Variants in NGLY1 observed in about 807,000 individuals in gnomAD.
NGLY1 encodes peptide-N(4)-(N-acetyl-beta-glucosaminyl)asparagine amidase.
NGLY1 carries 68 observed loss-of-function variants against 84.6 expected under a neutral mutation model. That is an observed-to-expected ratio of 0.80 (90% CI 0.66 to 0.98). The LOEUF (loss-of-function observed/expected upper bound fraction) is 0.98. Among genes scored for constraint, NGLY1 ranks in the 50% least tolerant of loss-of-function variants. NGLY1 has a pLI of 0.00. For missense variants in NGLY1, 779 were observed against 770.2 expected, an observed-to-expected ratio of 1.01 and a Z score of -0.14; for synonymous variants, 280 against 275.2, an observed-to-expected ratio of 1.02 and a Z score of -0.17.
intron 9 of NGLY1, among the ~76,000 whole-genome samples, chr3:25,730,897 C>A (rs1041540627): frequency 1.3e-5 from 2 of 151,918 alleles, no homozygotes; most frequent in Non-Finnish European, 2.9e-5. Context: ...TTGCATATTT[C>A]CTAAACATTT....
chr3:25,756,068 G>A (rs1707019079), intron 3 of NGLY1, among the ~76,000 whole-genome samples: 1 of 152,074 alleles, frequency 6.6e-6, no homozygotes. Flanking sequence ...AGCCACTTTT[G>A]TTGTCACTAG....
chr3:25,771,562 T>A (rs1056550498), intron 2 of NGLY1, among the ~76,000 whole-genome samples: 1 of 152,190 alleles, frequency 6.6e-6, no homozygotes, highest in Non-Finnish European at 1.5e-5. Context: ...TCTAGTTTTA[T>A]GGAGAATGAT....
chr3:25,734,796 GATAGTTTAACCAGAAACGCT>G (rs1337574494), intron 7 of NGLY1: 1 of 939,164 alleles, frequency 1.1e-6, no homozygotes, highest in Non-Finnish European at 1.3e-6. Context: ...CTAAACAGTT[GATAGTTTAACCAGAAACGCT>G]ATGATAAAAA....
chr3:25,736,169 G>C lies in NGLY1; in HGVS notation c.1004-20C>G, dbSNP rs945520141. On this transcript the variant is annotated intron_variant, in intron 6 of 11. Coordinates refer to ENST00000280700, the MANE Select transcript of NGLY1 (RefSeq NM_018297.4). ...CATGGTCTACTCAAGTAAGAGAAAA[G>C]AGAGCAATGGAAAAAAGACAATGAA... 1 of 1,605,736 alleles carries C rather than the reference G, an allele frequency of 6.2e-7. No individual in the cohort carries two copies. Among genetic ancestry groups the C allele is most frequent in the African/African-American group, 1.3e-5 (1 of 74,342 alleles).
intron 10 of NGLY1, among the ~76,000 whole-genome samples, chr3:25,726,231 C>G (rs1332489386): frequency 6.6e-6 from 1 of 152,160 alleles, no homozygotes; most frequent in Admixed American, 6.5e-5. Context: ...ATGCCACGTA[C>G]ATTTTTACAT....
rs544210020 is a variant in NGLY1, at chr3:25,746,760, G to T, written c.658+4338C>A. ...TTTGCCTAGAGAGAGGAAATATGAT[G>T]GACACAAACAGGAACATTCTGTCTC... On this transcript the variant is annotated intron_variant, in intron 4 of 11. Coordinates refer to ENST00000280700, the MANE Select transcript of NGLY1 (RefSeq NM_018297.4). 3.3e-5 allele frequency among the ~76,000 whole-genome samples: 5 copies of T among 152,306 alleles called. No homozygotes were observed. The East Asian group carries it at 9.6e-4, about 29-fold the overall frequency.
intron 3 of NGLY1, chr3:25,755,039 AT>A: frequency 9.0e-7 from 1 of 1,106,422 alleles, no homozygotes; most frequent in Non-Finnish European, 1.4e-6. Context: ...TATAAATCAA[AT>A]TTTGGAATTT....
Position 25,751,169 on chromosome 3 carries a change from G to A in NGLY1, c.587C>T (p.Ala196Val). The change falls in exon 4 of 12, where the codon GCT (alanine) becomes GTT (valine). Residue 196 changes from alanine to valine, a missense_variant. By Grantham distance (64) the Ala-to-Val change is moderately conservative. Coordinates refer to ENST00000280700, the MANE Select transcript of NGLY1 (RefSeq NM_018297.4). ...ENPALQEKALACIPVQELKRK... is the reference protein window; with the variant it reads ...ENPALQEKALVCIPVQELKRK... The stretch of plus-strand genomic sequence containing the variant: ...TTTTAGTTCTTGGACCGGAATACAA[G>A]CCAACGCTTTCTCCTGAAGAGCAGG... The A allele has an allele frequency of 1.2e-6, 2 of 1,613,666 alleles. No individual in the cohort carries two copies. The highest frequency in any genetic ancestry group is 2.2e-5 in the East Asian group (1 of 44,840).
At chr3:25,730,367 C>G (rs143050934) in intron 9 of NGLY1, 378 of 151,944 alleles carry the variant, frequency 2.5e-3, no homozygotes, top group African/African-American at 8.6e-3. Context: ...AATCCATGGC[C>G]CTAAAATGGT....
chr3:25,747,684 T>G (rs540125742), intron 4 of NGLY1, among the ~76,000 whole-genome samples: 2 of 152,284 alleles, frequency 1.3e-5, no homozygotes, highest in Admixed American at 6.5e-5. Flanking sequence ...TCAGTGACTT[T>G]TCTTGGACCC....
chr3:25,756,913 C>A (rs1263807870), intron 3 of NGLY1, among the ~76,000 whole-genome samples: 2 of 152,162 alleles, frequency 1.3e-5, no homozygotes, highest in Non-Finnish European at 2.9e-5. Flanking sequence ...CCCAGTTTTC[C>A]TCTTATACAC....
At chr3:25,778,399 T>G (rs1474109500) in intron 2 of NGLY1, 175 bp downstream of exon 2, 5 of 434,028 alleles carry the variant, frequency 1.2e-5, no homozygotes, top group Admixed American at 8.4e-5. Context: ...TACTGAAATT[T>G]TAAACTATAC....
intron 4 of NGLY1, among the ~76,000 whole-genome samples, chr3:25,745,149 A>G (rs745918678): frequency 1.3e-5 from 2 of 152,230 alleles, no homozygotes; most frequent in African/African-American, 2.4e-5. Context: ...ATTTTCAGCA[A>G]TAATGGAAAT....
At position 25,732,423 on chromosome 3, in the gene NGLY1, G is replaced by A. The variant is rs760016381; in HGVS notation, c.1321C>T (p.Leu441Phe). 9.3e-6 allele frequency: 15 copies of A among 1,613,578 alleles called. No homozygotes were observed. The South Asian group carries it at 1.5e-4, about 17-fold the overall frequency. Residue 441 changes from leucine (L) to phenylalanine (F), a missense_variant, in exon 9 of 12, where the codon CTT (leucine) becomes TTT (phenylalanine). Physicochemically the swap from Leu to Phe is conservative, Grantham distance 22. Coordinates refer to ENST00000280700, the MANE Select transcript of NGLY1 (RefSeq NM_018297.4). ...KELLQRIIVE[L>F]VEFISPKTPK... ...GTTTTGGGAGATATAAATTCAACAAGCTCCACAATTATCCTCTGGAGAAGT... is the reference window on the plus strand; with the variant it reads ...GTTTTGGGAGATATAAATTCAACAAACTCCACAATTATCCTCTGGAGAAGT...
intron 4 of NGLY1, among the ~76,000 whole-genome samples, chr3:25,741,956 G>A (rs547517102): frequency 6.6e-5 from 10 of 152,194 alleles, no homozygotes; most frequent in East Asian, 1.9e-4. Context: ...AGCCGAGATC[G>A]CGCCACTGCA....
intron 10 of NGLY1, among the ~76,000 whole-genome samples, chr3:25,725,217 T>C (rs1320516776): frequency 1.3e-5 from 2 of 152,150 alleles, no homozygotes; most frequent in African/African-American, 2.4e-5. Flanking sequence ...GTCATGGTTA[T>C]GAAAATCCAA....
At chr3:25,753,755 GA>G (rs376330798) in intron 3 of NGLY1, among the ~76,000 whole-genome samples, 79 of 151,118 alleles carry the variant, frequency 5.2e-4, no homozygotes, top group Non-Finnish European at 9.2e-4. Flanking sequence ...AGGGAGAAAA[GA>G]AAAAAAAGCA....
chr3:25,759,243 A>G (rs1428860785), intron 3 of NGLY1, among the ~76,000 whole-genome samples: 2 of 152,042 alleles, frequency 1.3e-5, no homozygotes, highest in African/African-American at 2.4e-5. Flanking sequence ...AAAGAAATGT[A>G]GAGTTGGTGA....
chr3:25,731,667 T>C (rs1253016323), intron 9 of NGLY1, among the ~76,000 whole-genome samples: 1 of 152,128 alleles, frequency 6.6e-6, no homozygotes, highest in East Asian at 1.9e-4. Context: ...GCACCATTTA[T>C]ATCAGCCAAA....
Sources: gnomAD v4.1 joint callset for allele counts (sites outside exome capture counted in the v4.1 genomes callset) on GRCh38, gnomAD v4.1.1 for gene constraint, MANE v1.5 for transcripts, NCBI Gene and HGNC (gene_info 2026-07-23, HGNC 2026-07-21) for gene names.